Variants in WDR7 observed in about 807,000 individuals in gnomAD.
The protein encoded by WDR7 is WD repeat domain 7, also known as WD repeat-containing protein 7.
WDR7 carries 46 observed loss-of-function variants against 169.4 expected under a neutral mutation model. That is an observed-to-expected ratio of 0.27 (90% CI 0.21 to 0.35). The LOEUF is 0.35. WDR7 is among the 10% of genes least tolerant of loss of function. The pLI, the probability that WDR7 is intolerant of heterozygous loss-of-function variation, is 1.00. For missense variants in WDR7, 1,534 were observed against 1,859.3 expected (o/e 0.83, Z 3.22); for synonymous variants, 612 against 666.8 (o/e 0.92, Z 1.27).
intron 22 of WDR7, among the ~76,000 whole-genome samples, chr18:56,928,906 T>G (rs2145664099): frequency 6.6e-6 from 1 of 152,336 alleles, no homozygotes; most frequent in Non-Finnish European, 1.5e-5. Flanking sequence ...GCATTCCAAA[T>G]CTTAACATCC....
At chr18:56,967,438 G>A (rs2047426025) in intron 26 of WDR7, among the ~76,000 whole-genome samples, 1 of 151,958 alleles carries the variant, frequency 6.6e-6, no homozygotes, top group African/African-American at 2.4e-5. Flanking sequence ...ATGAAGAAGT[G>A]CTTAAATTGT....
intron 27 of WDR7, among the ~76,000 whole-genome samples, chr18:57,023,779 C>G (rs2048322056): frequency 6.6e-6 from 1 of 152,178 alleles, no homozygotes; most frequent in African/African-American, 2.4e-5. Flanking sequence ...AGTCACAATT[C>G]TCTCACCCAA....
At chr18:57,014,805 T>C (rs2048184635) in intron 26 of WDR7, among the ~76,000 whole-genome samples, 1 of 152,086 alleles carries the variant, frequency 6.6e-6, no homozygotes, top group Non-Finnish European at 1.5e-5. Flanking sequence ...TATTAAAAAG[T>C]TGAGAAATAA....
At position 56,761,331 on chromosome 18, in the gene WDR7, A is replaced by G. The variant is rs139571831; in HGVS notation, c.2848+2378A>G. Among the ~76,000 whole-genome samples, 200 of 152,228 alleles carry G rather than the reference A, an allele frequency of 1.3e-3. No homozygotes were observed. In the Middle Eastern group the frequency reaches 0.014, roughly 10 times the overall value. The stretch of plus-strand genomic sequence containing the variant: ...GGCCAATAAAATTTCTTTATAGATG[A>G]TAGTATGTTTCTGGGCTGTTTGATT... On this transcript the variant is annotated intron_variant, in intron 16 of 27. Coordinates refer to ENST00000254442, the MANE Select transcript of WDR7 (RefSeq NM_015285.3).
chr18:56,691,826 C>T lies in WDR7; in HGVS notation c.966+9C>T. The stretch of plus-strand genomic sequence containing the variant: ...ATCGAAAAGATAAAGAGGTAAAATT[C>T]TTGAGGTGTCATTTATAATTGAAAG... On this transcript the variant is annotated intron_variant, in intron 9 of 27. Transcript: ENST00000254442. 1 of 1,591,322 alleles carries T rather than the reference C, an allele frequency of 6.3e-7. No individual in the cohort carries two copies. The highest frequency in any genetic ancestry group is 1.1e-5 in the South Asian group (1 of 88,318).
intron 14 of WDR7, among the ~76,000 whole-genome samples, chr18:56,751,402 A>G (rs1014439523): frequency 3.3e-5 from 5 of 152,112 alleles, no homozygotes; most frequent in African/African-American, 1.2e-4. Context: ...TTCTTTACCA[A>G]GCATGTTTGA....
At chr18:56,693,798 T>G (rs1436177431) in intron 9 of WDR7, among the ~76,000 whole-genome samples, 1 of 152,004 alleles carries the variant, frequency 6.6e-6, no homozygotes, top group African/African-American at 2.4e-5. Flanking sequence ...TCTTGAACTT[T>G]TGGCCTCAAG....
intron 22 of WDR7, among the ~76,000 whole-genome samples, chr18:56,930,473 A>C (rs1041664447): frequency 6.6e-6 from 1 of 151,930 alleles, no homozygotes; most frequent in East Asian, 1.9e-4. Flanking sequence ...TCCTATTAGC[A>C]TAGTTTTTAT....
chr18:56,942,176 G>A (rs1438579518), intron 25 of WDR7, among the ~76,000 whole-genome samples: 1 of 152,186 alleles, frequency 6.6e-6, no homozygotes, highest in Non-Finnish European at 1.5e-5. Flanking sequence ...CGGGTATGGG[G>A]AGGGAGAGGG....
chr18:56,799,584 A>G (rs991972774), intron 19 of WDR7, among the ~76,000 whole-genome samples: 1 of 152,198 alleles, frequency 6.6e-6, no homozygotes, highest in African/African-American at 2.4e-5. Context: ...ATAAAAATAT[A>G]TAAGACTTGG....
chr18:56,937,270 T>C (rs1211381538), intron 23 of WDR7, among the ~76,000 whole-genome samples: 1 of 152,186 alleles, frequency 6.6e-6, no homozygotes. Context: ...CATGTGCCTG[T>C]AGTCCTAGCT....
intron 20 of WDR7, among the ~76,000 whole-genome samples, chr18:56,828,620 C>T (rs889578441): frequency 6.6e-6 from 1 of 151,804 alleles, no homozygotes; most frequent in Non-Finnish European, 1.5e-5. Flanking sequence ...GGATCTTCAC[C>T]ATACTATCAT....
At chr18:57,007,446 G>A (rs569536088) in intron 26 of WDR7, among the ~76,000 whole-genome samples, 1 of 152,218 alleles carries the variant, frequency 6.6e-6, no homozygotes, top group Admixed American at 6.5e-5. Context: ...AGTGTTTTGA[G>A]TTGGCAAGTA....
Position 56,889,125 on chromosome 18 carries a change from T to C in WDR7, c.3526+8960T>C, listed in dbSNP as rs6566838. Among the ~76,000 whole-genome samples, 1,256 of 152,274 alleles carry C rather than the reference T, an allele frequency of 8.2e-3. 16 individuals carry two copies. The highest frequency in any genetic ancestry group is 0.029 in the African/African-American group (1,204 of 41,546). On this transcript the variant is annotated intron_variant, in intron 21 of 27. Coordinates refer to ENST00000254442, the MANE Select transcript of WDR7 (RefSeq NM_015285.3). ...GGCAAAGCCCACAGAGGGATTCCAC[T>C]GAGACTTGTCAGCCACAGACACAAG...
Position 56,900,080 on chromosome 18 carries a change from GTGTATATATATA to G in WDR7, c.3526+19917_3526+19928del, listed in dbSNP as rs1347940579. On this transcript the variant is annotated intron_variant, in intron 21 of 27. Coordinates refer to ENST00000254442, the MANE Select transcript of WDR7 (RefSeq NM_015285.3). ...CATATATATATGTGTGTGTGTGTGT[GTGTATATATATA>G]TATATATATATATATATAAAATTGT... is the stretch of plus-strand genomic sequence containing the variant. Among the ~76,000 whole-genome samples, 128 of 30,250 alleles carry G rather than the reference GTGTATATATATA, an allele frequency of 4.2e-3. 2 individuals are homozygous for G. The highest frequency in any genetic ancestry group is 7.1e-3 in the African/African-American group (116 of 16,396). The allele number at this position is 30,250 out of a possible 152,430, so 19.8% of individuals were successfully genotyped here.
chr18:56,681,640 G>T lies in WDR7; in HGVS notation c.345+249G>T, dbSNP rs150616722. On this transcript the variant is annotated intron_variant, in intron 4 of 27. Coordinates refer to ENST00000254442, the MANE Select transcript of WDR7 (RefSeq NM_015285.3). The stretch of plus-strand genomic sequence containing the variant: ...ATTGCTGCTGCTTCTGCTATTCTGG[G>T]CTACCTTGGTTACCCAAGTGAGAGC... 1.7e-3 allele frequency among the ~76,000 whole-genome samples: 262 copies of T among 152,314 alleles called. 3 individuals are homozygous for T. Among genetic ancestry groups the T allele is most frequent in the African/African-American group, 5.7e-3 (239 of 41,578 alleles).
intron 26 of WDR7, among the ~76,000 whole-genome samples, chr18:56,986,330 A>T (rs920397372): frequency 3.3e-5 from 5 of 152,194 alleles, no homozygotes; most frequent in Non-Finnish European, 7.4e-5. Flanking sequence ...TTTGCAATTT[A>T]AGAAAAGGAT....
chr18:56,939,408 A>G lies in WDR7; in HGVS notation c.4064+15A>G, dbSNP rs746114342. On this transcript the variant is annotated intron_variant, in intron 25 of 27. Coordinates refer to ENST00000254442, the MANE Select transcript of WDR7 (RefSeq NM_015285.3). ...GCCATCTGCAGGTAAAGAAGCCTTC[A>G]AGAGCATGCAGAATAAATAATTTTC... The G allele has an allele frequency of 6.5e-7, 1 of 1,536,242 alleles. No individual in the cohort carries two copies. The highest frequency in any genetic ancestry group is 1.3e-5 in the South Asian group (1 of 76,644).
chr18:56,918,578 G>A (rs1376967107), intron 21 of WDR7, among the ~76,000 whole-genome samples: 1 of 152,008 alleles, frequency 6.6e-6, no homozygotes, highest in African/African-American at 2.4e-5. Flanking sequence ...CAAAAAAAGT[G>A]GTAAGAAAAT....
Sources: gnomAD v4.1 joint callset for allele counts (sites outside exome capture counted in the v4.1 genomes callset) on GRCh38, gnomAD v4.1.1 for gene constraint, MANE v1.5 for transcripts, NCBI Gene and HGNC (gene_info 2026-07-23, HGNC 2026-07-21) for gene names.